The following PPP2R2B variants were observed in gnomAD, a reference collection of about 807,000 sequenced individuals.
PPP2R2B encodes protein phosphatase 2 regulatory subunit Bbeta.
A neutral mutation model predicts 46.0 loss-of-function variants in PPP2R2B; 5 were observed. The ratio of observed to expected loss-of-function variants is 0.11; its 90% CI spans 0.06 to 0.23. The LOEUF (loss-of-function observed/expected upper bound fraction) is 0.23, where lower values mean the gene tolerates loss of function less well. Ranked by LOEUF, PPP2R2B falls within the 10% of genes least tolerant of loss-of-function variation. The pLI, the probability that PPP2R2B is intolerant of heterozygous loss-of-function variation, is 1.00. For missense variants in PPP2R2B, 367 were observed against 575.0 expected (o/e 0.64, Z 3.70); for synonymous variants, 215 against 206.7 (o/e 1.04, Z -0.34).
chr5:146,999,706 A>G (rs1005934471), intron 1 of PPP2R2B, among the ~76,000 whole-genome samples: 1 of 152,190 alleles, frequency 6.6e-6, no homozygotes, highest in African/African-American at 2.4e-5. Flanking sequence ...TATGGCATAG[A>G]ACATGTTACT....
At chr5:146,759,457 G>A (rs1371312141) in intron 2 of PPP2R2B, among the ~76,000 whole-genome samples, 1 of 152,164 alleles carries the variant, frequency 6.6e-6, no homozygotes. Flanking sequence ...GCACATTACT[G>A]ACATGTTTAG....
chr5:146,948,619 T>C (rs943905581), intron 1 of PPP2R2B, among the ~76,000 whole-genome samples: 1 of 152,134 alleles, frequency 6.6e-6, no homozygotes, highest in African/African-American at 2.4e-5. Context: ...AATTTTGTTT[T>C]CTTAAATTCA....
chr5:146,899,155 C>T (rs1762741466), intron 1 of PPP2R2B, among the ~76,000 whole-genome samples: 1 of 148,498 alleles, frequency 6.7e-6, no homozygotes, highest in Non-Finnish European at 1.5e-5. Flanking sequence ...AATCATGCTG[C>T]TATAAAGACA....
At chr5:146,690,128 G>C (rs1012180977) in intron 5 of PPP2R2B, among the ~76,000 whole-genome samples, 1 of 152,092 alleles carries the variant, frequency 6.6e-6, no homozygotes, top group Non-Finnish European at 1.5e-5. Context: ...TCTTACTTTT[G>C]GTCTTTAGCA....
intron 1 of PPP2R2B, among the ~76,000 whole-genome samples, chr5:146,890,725 C>G (rs1365315178): frequency 1.3e-5 from 2 of 152,134 alleles, no homozygotes; most frequent in African/African-American, 4.8e-5. Context: ...TTTGCAATTT[C>G]CATTTGGTAT....
At chr5:146,743,213 T>C (rs1041297385) in intron 2 of PPP2R2B, among the ~76,000 whole-genome samples, 2 of 152,186 alleles carry the variant, frequency 1.3e-5, no homozygotes, top group Non-Finnish European at 2.9e-5. Flanking sequence ...TCATAAACGA[T>C]TGATGGGTGG....
At chr5:146,797,850 G>A (rs779838491) in intron 2 of PPP2R2B, among the ~76,000 whole-genome samples, 1 of 152,112 alleles carries the variant, frequency 6.6e-6, no homozygotes, top group African/African-American at 2.4e-5. Flanking sequence ...GCAAGAAAGC[G>A]GCTGCCTAAA....
At chr5:146,630,611 T>C (rs897072156) in intron 7 of PPP2R2B, among the ~76,000 whole-genome samples, 1 of 152,202 alleles carries the variant, frequency 6.6e-6, no homozygotes, top group Non-Finnish European at 1.5e-5. Flanking sequence ...AGGGTTGTTA[T>C]CAGGATTAAA....
At chr5:146,964,552 G>A (rs890175801) in intron 1 of PPP2R2B, among the ~76,000 whole-genome samples, 10 of 151,862 alleles carry the variant, frequency 6.6e-5, no homozygotes, top group Non-Finnish European at 1.2e-4. Context: ...TTTATACGGA[G>A]TCTTGCTCTG....
chr5:147,004,035 C>A (rs1754313524), intron 1 of PPP2R2B, among the ~76,000 whole-genome samples: 1 of 151,916 alleles, frequency 6.6e-6, no homozygotes, highest in Non-Finnish European at 1.5e-5. Flanking sequence ...ATAATAGGGA[C>A]CAAGAGGAAT....
intron 2 of PPP2R2B, among the ~76,000 whole-genome samples, chr5:146,807,026 C>G (rs985695896): frequency 2.0e-5 from 3 of 152,068 alleles, no homozygotes; most frequent in Non-Finnish European, 4.4e-5. Flanking sequence ...ACCTTGTTAC[C>G]CTAAGTATGG....
intron 2 of PPP2R2B, among the ~76,000 whole-genome samples, chr5:146,875,655 T>C (rs1312076348): frequency 1.3e-5 from 2 of 152,042 alleles, no homozygotes; most frequent in Non-Finnish European, 2.9e-5. Flanking sequence ...CAATCTGACA[T>C]AACTGAGCAG....
At chr5:146,969,820 G>T (rs1486828032) in intron 1 of PPP2R2B, among the ~76,000 whole-genome samples, 1 of 152,200 alleles carries the variant, frequency 6.6e-6, no homozygotes, top group Non-Finnish European at 1.5e-5. Context: ...TGGTGGTAGG[G>T]GAACAGGTAA....
chr5:146,885,108 A>G (rs1279927729), intron 1 of PPP2R2B, among the ~76,000 whole-genome samples: 1 of 152,206 alleles, frequency 6.6e-6, no homozygotes. Flanking sequence ...TATAGTAATT[A>G]TAGCTAACAC....
intron 2 of PPP2R2B, among the ~76,000 whole-genome samples, chr5:146,749,984 A>G (rs1753454652): frequency 6.6e-6 from 1 of 152,140 alleles, no homozygotes; most frequent in Admixed American, 6.5e-5. Context: ...GATTAGGTTG[A>G]GATTAATTTT....
At chr5:147,076,587 A>C (rs887540469) in intron 2 of PPP2R2B, among the ~76,000 whole-genome samples, 3 of 152,202 alleles carry the variant, frequency 2.0e-5, no homozygotes, top group Non-Finnish European at 2.9e-5. Context: ...TATGTTTTTA[A>C]AAATTATTTA....
chr5:146,834,679 G>A (rs1759166596), intron 2 of PPP2R2B, among the ~76,000 whole-genome samples: 1 of 152,078 alleles, frequency 6.6e-6, no homozygotes, highest in Admixed American at 6.5e-5. Flanking sequence ...TACACATGCA[G>A]GTTTGTTACA....
At chr5:147,041,458 T>C (rs1756294171) in intron 1 of PPP2R2B, among the ~76,000 whole-genome samples, 1 of 152,174 alleles carries the variant, frequency 6.6e-6, no homozygotes, top group African/African-American at 2.4e-5. Flanking sequence ...TAATCCCCTT[T>C]TCTCCACCAT....
chr5:146,886,168 C>T (rs1762316704), intron 1 of PPP2R2B, among the ~76,000 whole-genome samples: 1 of 151,946 alleles, frequency 6.6e-6, no homozygotes, highest in African/African-American at 2.4e-5. Context: ...GAAACCCCGT[C>T]TCTACTAAAA....
Sources: allele counts gnomAD v4.1 joint callset (sites outside exome capture counted in the v4.1 genomes callset), GRCh38; gene constraint gnomAD v4.1.1; transcripts MANE v1.5; gene names NCBI Gene and HGNC (gene_info 2026-07-23, HGNC 2026-07-21).